Variants in SGCZ observed in about 807,000 individuals in gnomAD.
SGCZ encodes the protein sarcoglycan zeta, also known as zeta-sarcoglycan.
SGCZ carries 40 observed loss-of-function variants against 41.3 expected under a neutral mutation model. The observed-to-expected ratio is 0.97, with a 90% CI of 0.75 to 1.26. The LOEUF (loss-of-function observed/expected upper bound fraction) is 1.26. Ranked by LOEUF, SGCZ falls within the 50% of genes most tolerant of loss-of-function variation. The pLI, the probability that SGCZ is intolerant of heterozygous loss-of-function variation, is 0.00. For missense variants in SGCZ, 552 were observed against 369.8 expected, an observed-to-expected ratio of 1.49 and a Z score of -4.04; for synonymous variants, 206 against 137.5, an observed-to-expected ratio of 1.50 and a Z score of -3.49.
chr8:14,160,839 T>C (rs73524129), intron 5 of SGCZ, among the ~76,000 whole-genome samples: 2,026 of 152,294 alleles, frequency 0.013, 53 homozygotes, highest in African/African-American at 0.047. Context: ...ATTATAGTCA[T>C]AACTGACTTT....
chr8:15,113,051 A>G (rs902079101), intron 1 of SGCZ, among the ~76,000 whole-genome samples: 1 of 152,120 alleles, frequency 6.6e-6, no homozygotes, highest in Non-Finnish European at 1.5e-5. Flanking sequence ...TCCACAAAAA[A>G]TACAAAAATT....
intron 1 of SGCZ, among the ~76,000 whole-genome samples, chr8:14,948,534 C>T (rs1035778927): frequency 1.3e-5 from 2 of 152,020 alleles, no homozygotes; most frequent in South Asian, 4.1e-4. Flanking sequence ...CCCTTCTTCC[C>T]TTCTCAATAA....
chr8:15,154,417 G>A (rs561709826), intron 1 of SGCZ, among the ~76,000 whole-genome samples: 1 of 152,280 alleles, frequency 6.6e-6, no homozygotes, highest in African/African-American at 2.4e-5. Context: ...TGGCCAGAGT[G>A]TCCCACATCC....
At chr8:14,967,083 G>C (rs1801148146) in intron 1 of SGCZ, among the ~76,000 whole-genome samples, 1 of 152,198 alleles carries the variant, frequency 6.6e-6, no homozygotes, top group African/African-American at 2.4e-5. Context: ...ATTTTCATTA[G>C]CTCACAGACT....
At position 14,959,775 on chromosome 8, in the gene SGCZ, A is replaced by G. The variant is rs147290003; in HGVS notation, c.39+277810T>C. Among the ~76,000 whole-genome samples, 758 of 152,210 alleles carry G rather than the reference A, an allele frequency of 5.0e-3. 11 individuals carry two copies. Among genetic ancestry groups the G allele is most frequent in the African/African-American group, 0.017 (703 of 41,548 alleles). On this transcript the variant is annotated intron_variant, in intron 1 of 7. Coordinates refer to ENST00000382080, the MANE Select transcript of SGCZ (RefSeq NM_139167.4). ...TGGTTTGTATATCTTTTCTTTCACC[A>G]CCTACTTATTGGTAATCGAAATAGT...
intron 1 of SGCZ, among the ~76,000 whole-genome samples, chr8:14,825,989 C>A (rs1256966280): frequency 6.6e-6 from 1 of 151,704 alleles, no homozygotes; most frequent in Admixed American, 6.6e-5. Flanking sequence ...GCACAATGTG[C>A]AGGTTTGTTA....
At chr8:14,416,911 GA>G (rs1249861407) in intron 2 of SGCZ, among the ~76,000 whole-genome samples, 2 of 151,612 alleles carry the variant, frequency 1.3e-5, no homozygotes, top group Non-Finnish European at 2.9e-5. Flanking sequence ...TTATTATGAG[GA>G]AAAAAAGAGC....
intron 1 of SGCZ, among the ~76,000 whole-genome samples, chr8:15,100,967 C>T (rs1195293332): frequency 2.6e-5 from 4 of 151,220 alleles, no homozygotes; most frequent in Non-Finnish European, 4.4e-5. Flanking sequence ...CAGAGTGAGA[C>T]CATGTCTCAA....
At chr8:14,923,048 TA>T in intron 1 of SGCZ, among the ~76,000 whole-genome samples, 1 of 152,350 alleles carries the variant, frequency 6.6e-6, no homozygotes, top group East Asian at 1.9e-4. Flanking sequence ...TGAATTTTTT[TA>T]AAGGGCAATT....
In SGCZ at chr8:14,108,707, A is replaced by G. The variant is rs570284600; in HGVS notation, c.548-472T>C. Among the ~76,000 whole-genome samples the G allele has an allele frequency of 3.9e-5, 6 of 152,330 alleles. No homozygotes were observed. In the East Asian group the frequency reaches 1.2e-3, roughly 29 times the overall value. ...GAGAGAGGACACAGAGCCAAACCGT[A>G]TCACAGGATATGAATGAGAAGAATT... On this transcript the variant is annotated intron_variant, in intron 5 of 7. Coordinates refer to ENST00000382080, the MANE Select transcript of SGCZ (RefSeq NM_139167.4).
intron 2 of SGCZ, among the ~76,000 whole-genome samples, chr8:14,429,496 A>C (rs1264822881): frequency 1.3e-5 from 2 of 152,230 alleles, no homozygotes; most frequent in African/African-American, 4.8e-5. Context: ...GTTAAGAGTC[A>C]ACCAGATCAC....
chr8:15,114,203 C>T (rs1190571394), intron 1 of SGCZ, among the ~76,000 whole-genome samples: 2 of 152,156 alleles, frequency 1.3e-5, no homozygotes, highest in Non-Finnish European at 2.9e-5. Flanking sequence ...AAATAAATAT[C>T]CCTGCACTAA....
intron 1 of SGCZ, among the ~76,000 whole-genome samples, chr8:15,185,114 G>A (rs890180999): frequency 2.6e-5 from 4 of 152,094 alleles, no homozygotes; most frequent in South Asian, 4.1e-4. Flanking sequence ...AATCATCAGG[G>A]CAATTTTAAT....
At chr8:14,169,286 C>G (rs533022925) in intron 4 of SGCZ, among the ~76,000 whole-genome samples, 2 of 152,270 alleles carry the variant, frequency 1.3e-5, no homozygotes, top group African/African-American at 4.8e-5. Context: ...CTGTCTCCCC[C>G]TGCTCCCAGT....
chr8:14,515,178 C>T (rs1449006481), intron 2 of SGCZ, among the ~76,000 whole-genome samples: 1 of 151,910 alleles, frequency 6.6e-6, no homozygotes, highest in Non-Finnish European at 1.5e-5. Context: ...ACATGTCACT[C>T]CTCCTCCAAT....
chr8:14,554,776 A>G lies in SGCZ; in HGVS notation c.190T>C (p.Leu64=). The change falls in exon 2 of 8, where the codon TTA becomes CTA. Residue 64 remains leucine, a synonymous_variant. Coordinates refer to ENST00000382080, the MANE Select transcript of SGCZ (RefSeq NM_139167.4). ...TTCAATATCCATATTGTCATGGCTA[A>G]GTTAACTATCATGGTAACCAACAGC... The part of the protein sequence containing the change: ...LLLLVTMIVN[L]AMTIWILKVM... 1.1e-5 allele frequency: 18 copies of G among 1,613,144 alleles called. No homozygotes were observed. Among genetic ancestry groups the G allele is most frequent in the Non-Finnish European group, 1.5e-5 (18 of 1,179,468 alleles).
At chr8:14,882,697 G>A (rs1179340145) in intron 1 of SGCZ, among the ~76,000 whole-genome samples, 1 of 152,024 alleles carries the variant, frequency 6.6e-6, no homozygotes, top group Non-Finnish European at 1.5e-5. Context: ...CGACAGCTCT[G>A]CTGCTAATAG....
chr8:14,257,900 G>T (rs1462283669), intron 3 of SGCZ, among the ~76,000 whole-genome samples: 1 of 152,080 alleles, frequency 6.6e-6, no homozygotes, highest in Non-Finnish European at 1.5e-5. Context: ...ATTTGAAACT[G>T]GAAAGATATA....
intron 1 of SGCZ, among the ~76,000 whole-genome samples, chr8:14,669,488 C>T (rs1479080440): frequency 6.6e-6 from 1 of 151,978 alleles, no homozygotes; most frequent in Non-Finnish European, 1.5e-5. Context: ...TTCCTTGCCC[C>T]TCCATCCATA....
Sources: gnomAD v4.1 joint callset for allele counts (sites outside exome capture counted in the v4.1 genomes callset) on GRCh38, gnomAD v4.1.1 for gene constraint, MANE v1.5 for transcripts, NCBI Gene and HGNC (gene_info 2026-07-23, HGNC 2026-07-21) for gene names.